Variants in CLTRN observed in about 807,000 individuals in gnomAD.
The protein encoded by CLTRN is collectrin, amino acid transport regulator.
CLTRN carries 12 observed loss-of-function variants against 14.5 expected under a neutral mutation model. The ratio of observed to expected loss-of-function variants is 0.83; its 90% CI spans 0.53 to 1.34. The LOEUF (loss-of-function observed/expected upper bound fraction) is 1.34. Among genes scored for constraint, CLTRN ranks in the 40% most tolerant of loss-of-function variants. The pLI, the probability that CLTRN is intolerant of heterozygous loss-of-function variation, is 0.00. For synonymous variants in CLTRN, 58 were observed against 56.5 expected (o/e 1.03, Z -0.12); for missense variants, 154 against 165.1 (o/e 0.93, Z 0.37).
intron 4 of CLTRN, among the ~76,000 whole-genome samples, chrX:15,640,993 G>A (rs752152967): frequency 1.9e-3 from 212 of 111,925 alleles, no homozygotes; most frequent in African/African-American, 6.4e-3. Flanking sequence ...CCATTTTTGA[G>A]CTCTGTTTTG....
chrX:15,652,559 A>C (rs1348869775), intron 3 of CLTRN, among the ~76,000 whole-genome samples: 1 of 110,612 alleles, frequency 9.0e-6, no homozygotes, highest in East Asian at 2.8e-4. Context: ...AGTACCGCTA[A>C]GTTCATATAC....
intron 3 of CLTRN, among the ~76,000 whole-genome samples, chrX:15,654,827 G>A (rs1929309528): frequency 8.9e-6 from 1 of 112,327 alleles, no homozygotes; most frequent in Admixed American, 9.4e-5. Flanking sequence ...TCAGCACGTA[G>A]CAGGCTTTCA....
chrX:15,643,760 T>C (rs1212594987), intron 4 of CLTRN, among the ~76,000 whole-genome samples: 2 of 112,505 alleles, frequency 1.8e-5, no homozygotes, highest in Non-Finnish European at 3.8e-5. Flanking sequence ...AAGAAATAGA[T>C]GATGTTCACA....
intron 2 of CLTRN, among the ~76,000 whole-genome samples, chrX:15,661,793 A>G (rs992653335): frequency 3.5e-5 from 4 of 112,774 alleles, no homozygotes; most frequent in Non-Finnish European, 7.5e-5. Context: ...TAGGTGCTCA[A>G]TGTGAAATTG....
At chrX:15,668,971 A>G (rs1929670798), upstream of CLTRN, among the ~76,000 whole-genome samples, 2 of 111,829 alleles carry the variant, frequency 1.8e-5, no homozygotes, top group South Asian at 7.3e-4. Flanking sequence ...ATATTTTCTA[A>G]TACGTGTATT....
chrX:15,659,129 G>A, intron 2 of CLTRN, 28 bp from the exon 3 acceptor site: 1 of 946,205 alleles, frequency 1.1e-6, no homozygotes, highest in Non-Finnish European at 1.5e-6. Context: ...CAAAGTGTAT[G>A]GGGGAAAATA....
chrX:15,671,883 C>CACA (rs1555985299), intron 1 of CLTRN, among the ~76,000 whole-genome samples: 1 of 56,953 alleles, frequency 1.8e-5, no homozygotes, highest in Non-Finnish European at 3.5e-5. Context: ...CACACACACA[C>CACA]AATTTCCAGT....
chrX:15,670,903 T>A (rs1400114304), intron 1 of CLTRN, among the ~76,000 whole-genome samples: 2 of 95,831 alleles, frequency 2.1e-5, no homozygotes, highest in African/African-American at 9.6e-5. Flanking sequence ...TGTGTGTGTG[T>A]GTGTGTGTGT....
At chrX:15,642,323 G>A (rs185556304) in intron 4 of CLTRN, among the ~76,000 whole-genome samples, 1 of 112,037 alleles carries the variant, frequency 8.9e-6, no homozygotes, top group Non-Finnish European at 1.9e-5. Flanking sequence ...TATTGAATTA[G>A]GCCACGCCCT....
intron 5 of CLTRN, among the ~76,000 whole-genome samples, chrX:15,628,528 G>A (rs757062160): frequency 8.9e-6 from 1 of 112,267 alleles, no homozygotes; most frequent in South Asian, 3.7e-4. Flanking sequence ...CCATCTCTAG[G>A]AGAACTTAAT....
At chrX:15,664,618 C>T (rs1929581222) in intron 1 of CLTRN, 100 bp downstream of exon 1, 2 of 852,494 alleles carry the variant, frequency 2.3e-6, no homozygotes, top group Non-Finnish European at 1.7e-6. Flanking sequence ...CAAGCCACAA[C>T]ATGTCTGCAG....
At chrX:15,632,883 C>CAAAAA (rs758319942) in intron 5 of CLTRN, among the ~76,000 whole-genome samples, 1 of 43,668 alleles carries the variant, frequency 2.3e-5, no homozygotes, top group Non-Finnish European at 4.0e-5. Flanking sequence ...GACTCTGTCT[C>CAAAAA]AAAAAAAAAA....
At chrX:15,640,367 G>A (rs1601723817) in intron 4 of CLTRN, among the ~76,000 whole-genome samples, 1 of 113,072 alleles carries the variant, frequency 8.8e-6, no homozygotes, top group African/African-American at 3.2e-5. Flanking sequence ...GCTAGTCTCT[G>A]CCTACAGGGT....
chrX:15,670,504 T>C (rs1929698145), intron 1 of CLTRN, among the ~76,000 whole-genome samples: 1 of 111,940 alleles, frequency 8.9e-6, no homozygotes, highest in Non-Finnish European at 1.9e-5. Flanking sequence ...ATGTTTGTAT[T>C]ATTAATAATT....
chrX:15,651,307 C>T (rs755174711), intron 3 of CLTRN, among the ~76,000 whole-genome samples: 106 of 111,271 alleles, frequency 9.5e-4, no homozygotes, highest in Non-Finnish European at 1.5e-3. Flanking sequence ...CTTCAGATTC[C>T]GTGCCCCATC....
intron 5 of CLTRN, 31 bp from the exon 6 acceptor site, chrX:15,628,158 T>A: frequency 9.9e-7 from 1 of 1,015,085 alleles, no homozygotes; most frequent in Non-Finnish European, 1.3e-6. Flanking sequence ...GTGATTGGCA[T>A]CTAGAAGGAC....
rs772962296 is a variant in CLTRN, at chrX:15,664,350, A to G, written c.104T>C (p.Leu35Pro). ...TGCTCCACTTACTGCTTTATCTCCCAGAGCTGTTCTGATACTAAGTCTCAC... is the reference window on the plus strand; with the variant it reads ...TGCTCCACTTACTGCTTTATCTCCCGGAGCTGTTCTGATACTAAGTCTCAC... ...FKVRLSIRTA[L>P]GDKAYAWDTN... Residue 35 changes from leucine to proline, a missense_variant, in exon 2 of 6, where the codon CTG becomes CCG. By Grantham distance (98) the Leu-to-Pro change is moderately conservative. Coordinates refer to ENST00000380342, the MANE Select transcript of CLTRN (RefSeq NM_020665.6). The G allele has an allele frequency of 8.4e-7, 1 of 1,192,254 alleles. No homozygotes were observed. The highest frequency in any genetic ancestry group is 1.1e-6 in the Non-Finnish European group (1 of 883,911).
chrX:15,653,578 T>C (rs998879538), intron 3 of CLTRN, among the ~76,000 whole-genome samples: 5 of 111,480 alleles, frequency 4.5e-5, no homozygotes, highest in Non-Finnish European at 9.4e-5. Flanking sequence ...ATTTTCCTCA[T>C]TAGCGTTCCC....
intron 2 of CLTRN, among the ~76,000 whole-genome samples, chrX:15,663,032 T>C (rs985899832): frequency 1.4e-4 from 16 of 111,616 alleles, no homozygotes; most frequent in Non-Finnish European, 3.0e-4. Flanking sequence ...CCCTCTGCCT[T>C]TCCTTCTTTC....
Sources: allele counts gnomAD v4.1 joint callset (sites outside exome capture counted in the v4.1 genomes callset), GRCh38; gene constraint gnomAD v4.1.1; transcripts MANE v1.5; gene names NCBI Gene and HGNC (gene_info 2026-07-23, HGNC 2026-07-21).